Variants in DUSP18 observed in about 807,000 individuals in gnomAD.
DUSP18 encodes the protein dual specificity phosphatase 18, also known as dual specificity protein phosphatase 18.
A neutral mutation model predicts 6.3 loss-of-function variants in DUSP18; 4 were observed. That is an observed-to-expected ratio of 0.63 (90% CI 0.31 to 1.45). The LOEUF is 1.45. Among genes scored for constraint, DUSP18 ranks in the 40% most tolerant of loss-of-function variants. DUSP18 has a pLI of 0.07. For synonymous variants in DUSP18, 96 were observed against 95.1 expected (o/e 1.01, Z -0.05); for missense variants, 235 against 247.7 (o/e 0.95, Z 0.34).
At position 30,663,473 on chromosome 22, in the gene DUSP18, G is replaced by C. The variant is rs781691112; in HGVS notation, c.531C>G (p.Ile177Met). 65 of 1,612,616 alleles carry C rather than the reference G, an allele frequency of 4.0e-5. No individual in the cohort carries two copies. The highest frequency in any genetic ancestry group is 5.0e-5 in the Non-Finnish European group (59 of 1,178,762). ...TCATCAAACGGACTTCCTTCTCATA[G>C]ATGTCAGGGATCATTCCCACTGGGG... ...VSSPVGMIPD[I>M]YEKEVRLMIP... Residue 177 changes from isoleucine to methionine, a missense_variant, in exon 2 of 2, where the codon ATC (isoleucine) becomes ATG (methionine). Transcript: ENST00000334679.
Position 30,661,444 on chromosome 22 carries a change from CTTTTTTT to C in DUSP18, c.*1986_*1992del, listed in dbSNP as rs56242112. ...GCATTTCTTTTTTTCTTTTCTTTTT[CTTTTTTT>C]TTTTTTTTCTTTTTGAGATGGAGTC... is the stretch of plus-strand genomic sequence containing the variant. On this transcript the variant is annotated 3_prime_UTR_variant, in exon 2 of 2. Transcript: ENST00000334679. 7.3e-6 allele frequency: 1 copy of C among 136,480 alleles called. No individual in the cohort carries two copies. The highest frequency in any genetic ancestry group is 2.7e-5 in the African/African-American group (1 of 37,300). The allele number at this position is 136,480 out of a possible 1,614,324, so 8.5% of individuals were successfully genotyped here. A position where few individuals can be genotyped will look rare whatever the true frequency, so the allele number is the denominator to read the frequency against.
In DUSP18 at chr22:30,667,496, G is replaced by C. The variant is rs2088720938; in HGVS notation, c.-112C>G. On this transcript the variant is annotated 5_prime_UTR_variant, in exon 1 of 2. Transcript: ENST00000334679. ...TCAGGCGGGTGGGCGGGTTCGCTCA[G>C]GAAGTAGCCGCTTGGGGAAGCCTTA... The C allele has an allele frequency of 6.6e-6, 1 of 152,272 alleles. No individual in the cohort carries two copies. The highest frequency in any genetic ancestry group is 2.1e-4 in the South Asian group (1 of 4,832). The allele number at this position is 152,272 out of a possible 1,614,324, so 9.4% of individuals were successfully genotyped here. A position where few individuals can be genotyped will look rare whatever the true frequency, so the allele number is the denominator to read the frequency against.
intron 1 of DUSP18, among the ~76,000 whole-genome samples, chr22:30,666,216 C>T (rs189107795): frequency 1.6e-3 from 239 of 152,208 alleles, no homozygotes; most frequent in African/African-American, 5.5e-3. Flanking sequence ...CAGTGGGTAA[C>T]GGGAATAGAG....
chr22:30,656,234 C>G, intron 2 of DUSP18, among the ~76,000 whole-genome samples: 1 of 152,000 alleles, frequency 6.6e-6, no homozygotes, highest in South Asian at 2.1e-4. Context: ...GCCTCAGCCA[C>G]CCAAAGGGCT....
chr22:30,656,874 G>A (rs1327899840), downstream of DUSP18, among the ~76,000 whole-genome samples: 4 of 152,128 alleles, frequency 2.6e-5, no homozygotes, highest in African/African-American at 4.8e-5. Context: ...CAGCACTTTC[G>A]GAGGCTGAGG....
At chr22:30,658,987 G>T (rs989322640), downstream of DUSP18, among the ~76,000 whole-genome samples, 3 of 152,020 alleles carry the variant, frequency 2.0e-5, no homozygotes, top group Admixed American at 6.6e-5. Context: ...TACTAGGCAT[G>T]GTGGCGGGTC....
At chr22:30,656,506 T>C (rs73881501), downstream of DUSP18, among the ~76,000 whole-genome samples, 3,032 of 152,306 alleles carry the variant, frequency 0.02, 100 homozygotes, top group African/African-American at 0.069. Flanking sequence ...AAGTGATTCC[T>C]CACTTTTGGA....
Position 30,664,009 on chromosome 22 carries a change from C to T in DUSP18, c.-6G>A, listed in dbSNP as rs747567208. On this transcript the variant is annotated 5_prime_UTR_variant, in exon 2 of 2. Transcript: ENST00000334679. ...GCACACGAGGGTGCTGTCATCAAGGCGGTGGGTCAGTGGTCAGCAGTCAGC... is the reference window on the plus strand; with the variant it reads ...GCACACGAGGGTGCTGTCATCAAGGTGGTGGGTCAGTGGTCAGCAGTCAGC... 6 of 1,609,126 alleles carry T rather than the reference C, an allele frequency of 3.7e-6. No individual in the cohort carries two copies. Among genetic ancestry groups the T allele is most frequent in the South Asian group, 1.1e-5 (1 of 90,772 alleles).
chr22:30,660,090 C>T (rs1262080219), downstream of DUSP18, among the ~76,000 whole-genome samples: 1 of 152,172 alleles, frequency 6.6e-6, no homozygotes, highest in East Asian at 1.9e-4. Context: ...TTCCTCAGAG[C>T]CTCCAGGGAA....
chr22:30,654,363 C>T, intron 2 of DUSP18: 2 of 463,678 alleles, frequency 4.3e-6, no homozygotes, highest in South Asian at 3.1e-5. Context: ...CTGTCACTGT[C>T]TGGTACTTCC....
intron 1 of DUSP18, chr22:30,665,452 C>G (rs1409079956): frequency 4.3e-6 from 2 of 461,546 alleles, no homozygotes; most frequent in South Asian, 3.2e-5. Flanking sequence ...TGGCCTTTGC[C>G]CCTGCTGATC....
chr22:30,660,818 T>C (rs1294021922), downstream of DUSP18, among the ~76,000 whole-genome samples: 1 of 151,174 alleles, frequency 6.6e-6, no homozygotes, highest in African/African-American at 2.4e-5. Context: ...GAAAAAACCA[T>C]GGAGGCCAGA....
At chr22:30,656,498 G>C (rs1373427687), downstream of DUSP18, among the ~76,000 whole-genome samples, 3 of 152,182 alleles carry the variant, frequency 2.0e-5, no homozygotes, top group Admixed American at 6.5e-5. Context: ...TGGAAAGAAA[G>C]TGATTCCTCA....
intron 2 of DUSP18, among the ~76,000 whole-genome samples, chr22:30,652,471 T>C (rs1311080769): frequency 6.6e-6 from 1 of 152,232 alleles, no homozygotes; most frequent in African/African-American, 2.4e-5. Flanking sequence ...AAAGGGCCAT[T>C]ATCATCTTCA....
At chr22:30,667,234 C>T (rs574096925) in intron 1 of DUSP18, 2 of 152,200 alleles carry the variant, frequency 1.3e-5, no homozygotes, top group African/African-American at 4.8e-5. Context: ...TTGTTCAGAA[C>T]GAGTCATAAA....
At chr22:30,653,445 CA>C (rs2088266591) in intron 2 of DUSP18, among the ~76,000 whole-genome samples, 3 of 151,244 alleles carry the variant, frequency 2.0e-5, no homozygotes, top group Non-Finnish European at 4.4e-5. Context: ...GATCTCGGCT[CA>C]CTGCAACCTC....
intron 2 of DUSP18, among the ~76,000 whole-genome samples, chr22:30,655,516 T>C (rs1478130437): frequency 6.6e-6 from 1 of 152,082 alleles, no homozygotes; most frequent in Non-Finnish European, 1.5e-5. Context: ...CCTTTTTTTT[T>C]TTCTTCCAGG....
At position 30,663,909 on chromosome 22, in the gene DUSP18, C is replaced by A. The variant is rs1339904765; in HGVS notation, c.95G>T (p.Gly32Val). Residue 32 changes from glycine to valine, a missense_variant, in exon 2 of 2, where the codon GGT becomes GTT. By Grantham distance (109) the Gly-to-Val change is moderately radical. Transcript: ENST00000334679. ...CATGAGCTTGTTGTTGGCGGCCACA[C>A]CATTGCTGATATACAGGCTTTTGGT... ...QITKSLYISN[G>V]VAANNKLMLS... 13 of 1,614,198 alleles carry A rather than the reference C, an allele frequency of 8.1e-6. No homozygotes were observed. Among genetic ancestry groups the A allele is most frequent in the East Asian group, 2.2e-5 (1 of 44,884 alleles).
In DUSP18 at chr22:30,663,473, G is replaced by A; in HGVS notation, c.531C>T (p.Ile177=). The A allele has an allele frequency of 6.2e-7, 1 of 1,612,734 alleles. No homozygotes were observed. Among genetic ancestry groups the A allele is most frequent in the South Asian group, 1.1e-5 (1 of 91,080 alleles). The change falls in exon 2 of 2, where the codon ATC becomes ATT. Residue 177 remains isoleucine, a synonymous_variant. Transcript: ENST00000334679. ...VSSPVGMIPD[I]YEKEVRLMIP... Reference sequence around the variant, plus strand: ...TCATCAAACGGACTTCCTTCTCATAGATGTCAGGGATCATTCCCACTGGGG... The same window carrying A: ...TCATCAAACGGACTTCCTTCTCATAAATGTCAGGGATCATTCCCACTGGGG...
Sources: allele counts gnomAD v4.1 joint callset (sites outside exome capture counted in the v4.1 genomes callset), GRCh38; gene constraint gnomAD v4.1.1; transcripts MANE v1.5; gene names NCBI Gene and HGNC (gene_info 2026-07-23, HGNC 2026-07-21).